Variants in NAPB observed in about 807,000 individuals in gnomAD.
The protein encoded by NAPB is NSF attachment protein beta, also known as beta-soluble NSF attachment protein.
Under a neutral mutation model 44.7 loss-of-function variants are expected in NAPB, and 26 were observed. The observed-to-expected ratio is 0.58, with a 90% CI of 0.43 to 0.81. NAPB has a LOEUF of 0.81. Among genes scored for constraint, NAPB ranks in the 30% least tolerant of loss-of-function variants. The pLI, the probability that NAPB is intolerant of heterozygous loss-of-function variation, is 0.00. For synonymous variants in NAPB, 120 were observed against 116.8 expected, an observed-to-expected ratio of 1.03 and a Z score of -0.18; for missense variants, 315 against 356.4, an observed-to-expected ratio of 0.88 and a Z score of 0.94.
chr20:23,392,321 A>C (rs998416475), intron 5 of NAPB, among the ~76,000 whole-genome samples: 1 of 152,184 alleles, frequency 6.6e-6, no homozygotes, highest in African/African-American at 2.4e-5. Context: ...AAGTATTTGC[A>C]AAAAGAGAAC....
At chr20:23,386,065 T>C (rs568173050) in intron 7 of NAPB, among the ~76,000 whole-genome samples, 2 of 152,204 alleles carry the variant, frequency 1.3e-5, no homozygotes, top group Non-Finnish European at 2.9e-5. Flanking sequence ...AAAACACTAC[T>C]AAATAATCCA....
At position 23,374,570 on chromosome 20, in the gene NAPB, C is replaced by T. The variant is rs1444764701; in HGVS notation, c.*2806G>A. 2 of 152,146 alleles carry T rather than the reference C, an allele frequency of 1.3e-5. No individual in the cohort carries two copies. Among genetic ancestry groups the T allele is most frequent in the East Asian group, 1.9e-4 (1 of 5,198 alleles). The allele number at this position is 152,146 out of a possible 1,614,324, so 9.4% of individuals were successfully genotyped here. On this transcript the variant is annotated 3_prime_UTR_variant, in exon 11 of 11. Coordinates refer to ENST00000377026, the MANE Select transcript of NAPB (RefSeq NM_022080.3). ...TGTTACACATGGTTAGTTTTCATAA[C>T]GTAATCCCCTGCCCCAGAGCAACTC...
At chr20:23,384,591 C>G (rs1983322856) in intron 7 of NAPB, among the ~76,000 whole-genome samples, 1 of 151,392 alleles carries the variant, frequency 6.6e-6, no homozygotes, top group Admixed American at 6.6e-5. Flanking sequence ...CATTTCCCTC[C>G]AGCCTGGGTG....
chr20:23,420,983 T>TG (rs1288723034), intron 1 of NAPB, among the ~76,000 whole-genome samples: 1 of 144,142 alleles, frequency 6.9e-6, no homozygotes, highest in Non-Finnish European at 1.5e-5. Flanking sequence ...CCCTGGGGAG[T>TG]TCTGCCGGCC....
In NAPB at chr20:23,377,978, T is replaced by A. The variant is rs1026008430; in HGVS notation, c.787-492A>T. On this transcript the variant is annotated intron_variant, in intron 10 of 10. Transcript: ENST00000377026. Reference sequence around the variant, plus strand: ...GGAAAACATTCCTTTCCTCTATCACTCCTGAGCTGTGATGAACATGTTACA... The same window carrying A: ...GGAAAACATTCCTTTCCTCTATCACACCTGAGCTGTGATGAACATGTTACA... 7.2e-5 allele frequency among the ~76,000 whole-genome samples: 11 copies of A among 152,246 alleles called. No individual in the cohort carries two copies. The South Asian group carries it at 1.5e-3, about 20-fold the overall frequency.
intron 1 of NAPB, 26 bp downstream of exon 1, chr20:23,421,279 C>A (rs1264963921): frequency 7.9e-6 from 11 of 1,400,086 alleles, no homozygotes; most frequent in Admixed American, 7.8e-5. Context: ...CCCCCCCCCC[C>A]AGGGCACGCA....
rs1395165293 is a variant in NAPB, at chr20:23,377,188, AAGAT to A, written c.*184_*187del. 2.4e-5 allele frequency: 9 copies of A among 375,686 alleles called. No homozygotes were observed. The allele number at this position is 375,686 out of a possible 1,614,324, so 23.3% of individuals were successfully genotyped here. On this transcript the variant is annotated 3_prime_UTR_variant, in exon 11 of 11. Coordinates refer to ENST00000377026, the MANE Select transcript of NAPB (RefSeq NM_022080.3). ...GCATGAAACAACCCATCATTACCAC[AAGAT>A]GAACAGGAGCCTCTCCTTCATTCAT...
chr20:23,419,273 C>A (rs985364613), intron 1 of NAPB, among the ~76,000 whole-genome samples: 32 of 152,210 alleles, frequency 2.1e-4, no homozygotes, highest in African/African-American at 7.7e-4. Flanking sequence ...AACTAAGATG[C>A]ATTAACTTTT....
intron 9 of NAPB, 131 bp from the exon 10 acceptor site, chr20:23,379,626 A>G: frequency 1.4e-6 from 1 of 739,370 alleles, no homozygotes; most frequent in Non-Finnish European, 2.2e-6. Flanking sequence ...ATACAAGTCA[A>G]GAGCCAAGTT....
intron 1 of NAPB, among the ~76,000 whole-genome samples, chr20:23,413,177 C>T (rs1406422577): frequency 2.0e-5 from 3 of 150,890 alleles, no homozygotes; most frequent in Admixed American, 6.6e-5. Flanking sequence ...TCATGAACAC[C>T]AACAATATAT....
chr20:23,400,964 G>A (rs2424536), intron 2 of NAPB, among the ~76,000 whole-genome samples: 42,057 of 151,830 alleles, frequency 0.28, 6,018 homozygotes, highest in Middle Eastern at 0.37. Flanking sequence ...TTGCTAGATG[G>A]TGATAACAGT....
chr20:23,420,815 C>G (rs994946608), intron 1 of NAPB, among the ~76,000 whole-genome samples: 2 of 150,904 alleles, frequency 1.3e-5, no homozygotes, highest in African/African-American at 4.9e-5. Context: ...GACAGCCCCC[C>G]CCCCAGAGTG....
intron 2 of NAPB, among the ~76,000 whole-genome samples, chr20:23,401,324 G>A (rs1424169271): frequency 6.6e-6 from 1 of 152,114 alleles, no homozygotes; most frequent in East Asian, 1.9e-4. Flanking sequence ...GCACGTGGGA[G>A]TTATTTATAT....
chr20:23,420,476 G>C lies in NAPB; in HGVS notation c.98+829C>G, dbSNP rs186122481. On this transcript the variant is annotated intron_variant, in intron 1 of 10. Transcript: ENST00000377026. ...GCACACCAGCTCTGGATCCCTCGCC[G>C]GACCGCCCCCTCCCCGGCGGGGCCC... Among the ~76,000 whole-genome samples the C allele has an allele frequency of 1.6e-3, 242 of 152,222 alleles. 1 individual carries two copies. Among genetic ancestry groups the C allele is most frequent in the Admixed American group, 3.6e-3 (55 of 15,306 alleles).
chr20:23,390,387 C>A, intron 5 of NAPB, 123 bp from the exon 6 acceptor site: 1 of 754,410 alleles, frequency 1.3e-6, no homozygotes, highest in Non-Finnish European at 2.2e-6. Context: ...CACAACTCGG[C>A]CTACTTTCTT....
chr20:23,400,345 C>T (rs1984740544), intron 2 of NAPB, among the ~76,000 whole-genome samples: 1 of 152,098 alleles, frequency 6.6e-6, no homozygotes, highest in Non-Finnish European at 1.5e-5. Flanking sequence ...GGAGAAACCC[C>T]ATCTCTACTA....
At chr20:23,416,755 T>C (rs963387017) in intron 1 of NAPB, among the ~76,000 whole-genome samples, 2 of 152,190 alleles carry the variant, frequency 1.3e-5, no homozygotes, top group African/African-American at 4.8e-5. Flanking sequence ...TGAACAAGAA[T>C]TGTAACTGAG....
rs190249432 is a variant in NAPB, at chr20:23,400,905, T to C, written c.178+2088A>G. Among the ~76,000 whole-genome samples the C allele has an allele frequency of 2.7e-3, 415 of 152,018 alleles. 1 individual carries two copies. The highest frequency in any genetic ancestry group is 6.0e-3 in the South Asian group (29 of 4,816). On this transcript the variant is annotated intron_variant, in intron 2 of 10. Transcript: ENST00000377026. ...TTACTTTCTAATGAGAATCACCATA[T>C]AATAAAAACATGTAAATATAAATGA...
At chr20:23,392,341 C>T (rs1441953961) in intron 5 of NAPB, among the ~76,000 whole-genome samples, 1 of 152,152 alleles carries the variant, frequency 6.6e-6, no homozygotes. Flanking sequence ...CCATAGTACA[C>T]CTGTTCTTTT....
Sources: gnomAD v4.1 joint callset for allele counts (sites outside exome capture counted in the v4.1 genomes callset) on GRCh38, gnomAD v4.1.1 for gene constraint, MANE v1.5 for transcripts, NCBI Gene and HGNC (gene_info 2026-07-23, HGNC 2026-07-21) for gene names.